The following GP5 variants were observed in gnomAD, a reference collection of about 807,000 sequenced individuals.
The protein encoded by GP5 is platelet glycoprotein V.
For missense variants in GP5, 755 were observed against 737.1 expected (o/e 1.02, Z -0.28); for synonymous variants, 382 against 353.9 (o/e 1.08, Z -0.89).
Position 194,395,220 on chromosome 3 carries a change from G to C in GP5, c.*1380C>G, listed in dbSNP as rs1007854098. 2 of 152,164 alleles carry C rather than the reference G, an allele frequency of 1.3e-5. No individual in the cohort carries two copies. Among genetic ancestry groups the C allele is most frequent in the African/African-American group, 2.4e-5 (1 of 41,438 alleles). 9.4% of individuals were successfully genotyped at this position (152,164 alleles called of 1,614,324 possible). On this transcript the variant is annotated 3_prime_UTR_variant, in exon 2 of 2. Coordinates refer to ENST00000692618, the MANE Select transcript of GP5 (RefSeq NM_004488.2). The stretch of plus-strand genomic sequence containing the variant: ...ATGCAGTTAGTAAGTGGTAGAGCTG[G>C]GATTTGAACCCACAGTTGTCAACTC...
rs190002419 is a variant in GP5, at chr3:194,397,401, C to A, written c.882G>T (p.Glu294Asp). 4.4e-5 allele frequency: 71 copies of A among 1,612,484 alleles called. No homozygotes were observed. Among genetic ancestry groups the A allele is most frequent in the Non-Finnish European group, 5.8e-5 (68 of 1,179,946 alleles). The change falls in exon 2 of 2, where the codon GAG becomes GAT. Residue 294 changes from glutamate (E) to aspartate (D), a missense_variant. Glu to Asp is a conservative substitution (Grantham distance 45). Coordinates refer to ENST00000692618, the MANE Select transcript of GP5 (RefSeq NM_004488.2). The surrounding 1 kb of genome is among the most constrained non-coding windows in gnomAD (Gnocchi z 7.2). ...VLFGEMGGLQ[E>D]LWLNRTQLRT... is the part of the protein sequence containing the mutation. ...GCAGCTGGGTGCGGTTCAGCCACAG[C>A]TCCTGCAGGCCCCCCATCTCCCCGA...
intron 1 of GP5, 32 bp from the exon 2 acceptor site, chr3:194,398,316 A>C: frequency 6.5e-7 from 1 of 1,540,148 alleles, no homozygotes; most frequent in Non-Finnish European, 8.8e-7. Flanking sequence ...TGTGGTCAAC[A>C]CACAGGAGCG....
At position 194,398,265 on chromosome 3, in the gene GP5, TA is replaced by T; in HGVS notation, c.17del (p.Leu6HisfsTer41). 2 of 1,605,938 alleles carry T rather than the reference TA, an allele frequency of 1.2e-6. No individual in the cohort carries two copies. Among genetic ancestry groups the T allele is most frequent in the Non-Finnish European group, 1.7e-6 (2 of 1,175,832 alleles). On this transcript the variant is annotated frameshift_variant, in exon 2 of 2. Transcript: ENST00000692618. LOFTEE classifies it low-confidence loss of function (END_TRUNC). Reference sequence around the variant, plus strand: ...GCAGAAGCCCGAGCACCGCGCACAGTAGAGTCCCCCTCAGCATGTCTGAAAA... The same window carrying T: ...GCAGAAGCCCGAGCACCGCGCACAGTGAGTCCCCCTCAGCATGTCTGAAAA... MLRGT[L>X]LCAVLGLLRA...
At position 194,396,866 on chromosome 3, in the gene GP5, G is replaced by A. The variant is rs767071239; in HGVS notation, c.1417C>T (p.Pro473Ser). 6.5e-7 allele frequency: 1 copy of A among 1,544,072 alleles called. No individual in the cohort carries two copies. Among genetic ancestry groups the A allele is most frequent in the East Asian group, 2.3e-5 (1 of 43,046 alleles). Residue 473 changes from proline to serine, a missense_variant, in exon 2 of 2, where the codon CCG becomes TCG. By Grantham distance (74) the Pro-to-Ser change is moderately conservative (BLOSUM62 -1). Coordinates refer to ENST00000692618, the MANE Select transcript of GP5 (RefSeq NM_004488.2). ...CGGGGAGGCGGGCCCCGGGGGCCCG[G>A]GCACTCCGCGTCACCCCCCGGCAGG... is the stretch of plus-strand genomic sequence containing the variant. ...WALPGGDAEC[P>S]GPRGPPPRPA...
rs934814364 is a variant in GP5, at chr3:194,397,365, G to A, written c.918C>T (p.Pro306=). The change falls in exon 2 of 2, where the codon CCC becomes CCT. Residue 306 remains proline, a synonymous_variant. Coordinates refer to ENST00000692618, the MANE Select transcript of GP5 (RefSeq NM_004488.2). The surrounding 1 kb of genome is among the most constrained non-coding windows in gnomAD (Gnocchi z 7.2). ...WLNRTQLRTL[P]AAAFRNLSRL... ...GGCTCAGGTTGCGGAAGGCGGCGGC[G>A]GGCAGGGTGCGCAGCTGGGTGCGGT... The A allele has an allele frequency of 2.5e-6, 4 of 1,606,448 alleles. No homozygotes were observed. The highest frequency in any genetic ancestry group is 1.3e-5 in the African/African-American group (1 of 74,834).
At position 194,398,270 on chromosome 3, in the gene GP5, T is replaced by C. The variant is rs1427006859; in HGVS notation, c.13A>G (p.Thr5Ala). MLRG[T>A]LLCAVLGLLR... is the part of the protein sequence containing the mutation. The stretch of plus-strand genomic sequence containing the variant: ...AGCCCGAGCACCGCGCACAGTAGAG[T>C]CCCCCTCAGCATGTCTGAAAAAGCA... Residue 5 changes from threonine to alanine, a missense_variant, in exon 2 of 2, where the codon ACT becomes GCT. Thr to Ala is a moderately conservative substitution (Grantham distance 58). Coordinates refer to ENST00000692618, the MANE Select transcript of GP5 (RefSeq NM_004488.2). 1 of 1,602,146 alleles carries C rather than the reference T, an allele frequency of 6.2e-7. No individual in the cohort carries two copies. The highest frequency in any genetic ancestry group is 1.1e-5 in the South Asian group (1 of 90,076).
chr3:194,398,196 G>A lies in GP5; in HGVS notation c.87C>T (p.Phe29=), dbSNP rs564091697. Residue 29 remains phenylalanine, a synonymous_variant, in exon 2 of 2, where the codon TTC becomes TTT. Transcript: ENST00000692618. ...FPCPPACKCV[F]RDAAQCSGGD... ...CCCCCGAGCACTGCGCGGCGTCCCG[G>A]AAGACACACTTGCAAGCTGGCGGAC... The A allele has an allele frequency of 1.4e-5, 23 of 1,612,762 alleles. No homozygotes were observed. In the African/African-American group the frequency reaches 2.9e-4, roughly 21 times the overall value.
rs765186322 is a variant in GP5 at position 194,398,187 on chromosome 3, G to C, written c.96C>G (p.Ala32=). The C allele has an allele frequency of 5.6e-6, 9 of 1,612,750 alleles. No homozygotes were observed. Among genetic ancestry groups the C allele is most frequent in the Non-Finnish European group, 7.6e-6 (9 of 1,179,730 alleles). Residue 32 remains alanine (A), a synonymous_variant, in exon 2 of 2, where the codon GCC becomes GCG. Transcript: ENST00000692618. The part of the protein sequence containing the change: ...PPACKCVFRD[A]AQCSGGDVAR... Reference sequence around the variant, plus strand: ...CCACGTCGCCCCCCGAGCACTGCGCGGCGTCCCGGAAGACACACTTGCAAG... The same window carrying C: ...CCACGTCGCCCCCCGAGCACTGCGCCGCGTCCCGGAAGACACACTTGCAAG...
In GP5 at chr3:194,397,414, C is replaced by G; in HGVS notation, c.869G>C (p.Gly290Ala). Residue 290 changes from glycine (G) to alanine (A), a missense_variant, in exon 2 of 2, where the codon GGG (glycine) becomes GCG (alanine). Physicochemically the swap from Gly to Ala is moderately conservative, Grantham distance 60. Transcript: ENST00000692618. The surrounding 1 kb of genome is among the most constrained non-coding windows in gnomAD (Gnocchi z 7.2). ...GTTCAGCCACAGCTCCTGCAGGCCCCCCATCTCCCCGAAGAGCACCCCCGG... is the reference window on the plus strand; with the variant it reads ...GTTCAGCCACAGCTCCTGCAGGCCCGCCATCTCCCCGAAGAGCACCCCCGG... ...ELPGVLFGEM[G>A]GLQELWLNRT... 1.2e-6 allele frequency: 2 copies of G among 1,612,516 alleles called. No individual in the cohort carries two copies. The highest frequency in any genetic ancestry group is 1.7e-6 in the Non-Finnish European group (2 of 1,179,720).
In GP5 at chr3:194,396,773, A is replaced by G. The variant is rs762239469; in HGVS notation, c.1510T>C (p.Trp504Arg). Residue 504 changes from tryptophan (W) to arginine (R), a missense_variant, in exon 2 of 2, where the codon TGG becomes CGG. Trp to Arg is a moderately radical substitution (Grantham distance 101). Transcript: ENST00000692618. ...GTGGTCACCGGCTGGGCCCACACCC[A>G]GGGTTCTGAGCTGTTGGGAGCCAAG... is the stretch of plus-strand genomic sequence containing the variant. ...PALAPNSSEP[W>R]VWAQPVTTGK... 9.3e-6 allele frequency: 15 copies of G among 1,613,788 alleles called. No homozygotes were observed. The highest frequency in any genetic ancestry group is 1.3e-5 in the African/African-American group (1 of 74,900).
chr3:194,396,655 A>G lies in GP5; in HGVS notation c.1628T>C (p.Met543Thr), dbSNP rs1483636276. ...TCGAAAGAGTTGGCCAATTTTAATC[A>G]TAGCAAACACGATGATCACGGTGAT... ...AMITVIIVFA[M>T]IKIGQLFRKL... Residue 543 changes from methionine to threonine, a missense_variant, in exon 2 of 2, where the codon ATG becomes ACG. By Grantham distance (81) the Met-to-Thr change is moderately conservative. Coordinates refer to ENST00000692618, the MANE Select transcript of GP5 (RefSeq NM_004488.2). 1.9e-6 allele frequency: 3 copies of G among 1,613,034 alleles called. No homozygotes were observed. Among genetic ancestry groups the G allele is most frequent in the African/African-American group, 1.3e-5 (1 of 74,910 alleles).
chr3:194,398,306 T>C (rs1282507956), intron 1 of GP5, 22 bp from the exon 2 acceptor site: 2 of 1,561,704 alleles, frequency 1.3e-6, no homozygotes, highest in East Asian at 4.7e-5. Context: ...ACCGTGGGAG[T>C]GTGGTCAACA....
At position 194,394,997 on chromosome 3, in the gene GP5, A is replaced by C. The variant is rs1714418561; in HGVS notation, c.*1603T>G. The C allele has an allele frequency of 1.3e-5, 2 of 152,284 alleles. No homozygotes were observed. The highest frequency in any genetic ancestry group is 4.8e-5 in the African/African-American group (2 of 41,478). The allele number at this position is 152,284 out of a possible 1,614,324, so 9.4% of individuals were successfully genotyped here. A position where few individuals can be genotyped will look rare whatever the true frequency, so the allele number is the denominator to read the frequency against. ...TTCTTTAGAAATCATGATGCCAATA[A>C]TAATTGCTCATCCTTTAGTAATAAT... On this transcript the variant is annotated 3_prime_UTR_variant, in exon 2 of 2. Transcript: ENST00000692618.
At chr3:194,398,912 G>A (rs898668603) in intron 1 of GP5, among the ~76,000 whole-genome samples, 2 of 152,098 alleles carry the variant, frequency 1.3e-5, no homozygotes, top group Non-Finnish European at 2.9e-5. Flanking sequence ...ATAACCTTAG[G>A]AGGTAAGTAT....
Position 194,397,101 on chromosome 3 carries a change from G to T in GP5, c.1182C>A (p.Leu394=), listed in dbSNP as rs1345707210. ...GCAGGGTCTCCAGCTGGTTGTGGTC[G>T]AGCTGGACGCTCTCCAGGCTGCTGA... ...RNLSSLESVQ[L]DHNQLETLPG... is the part of the protein sequence containing the mutation. Residue 394 remains leucine, a synonymous_variant, in exon 2 of 2, where the codon CTC becomes CTA. Transcript: ENST00000692618. This position sits in a 1 kb window ranked among gnomAD's most constrained non-coding sequence, Gnocchi z 7.2. The T allele has an allele frequency of 1.9e-6, 3 of 1,593,216 alleles. No homozygotes were observed. Among genetic ancestry groups the T allele is most frequent in the Non-Finnish European group, 8.5e-7 (1 of 1,177,442 alleles).
Position 194,398,130 on chromosome 3 carries a change from G to T in GP5, c.153C>A (p.Asn51Lys). 1 of 1,613,414 alleles carries T rather than the reference G, an allele frequency of 6.2e-7. No individual in the cohort carries two copies. Among genetic ancestry groups the T allele is most frequent in the Non-Finnish European group, 8.5e-7 (1 of 1,179,886 alleles). Residue 51 changes from asparagine (N) to lysine (K), a missense_variant, in exon 2 of 2, where the codon AAC becomes AAA. By Grantham distance (94) the Asn-to-Lys change is moderately conservative. Coordinates refer to ENST00000692618, the MANE Select transcript of GP5 (RefSeq NM_004488.2). ...TTCCGAAGAGCAGGATGTGCGTGAGGTTGGTGGGCAGGCCTAGCGCGGAGA... is the reference window on the plus strand; with the variant it reads ...TTCCGAAGAGCAGGATGTGCGTGAGTTTGGTGGGCAGGCCTAGCGCGGAGA... Reference protein sequence around the residue: ...ARISALGLPTNLTHILLFGMG... With the variant: ...ARISALGLPTKLTHILLFGMG...
chr3:194,398,228 A>C lies in GP5; in HGVS notation c.55T>G (p.Phe19Val). ...CACTTGCAAGCTGGCGGACAGGGGA[A>C]GGGCTGGGCGCGCAGAAGCCCGAGC... ...AVLGLLRAQP[F>V]PCPPACKCVF... The change falls in exon 2 of 2, where the codon TTC (phenylalanine) becomes GTC (valine). Residue 19 changes from phenylalanine (F) to valine (V), a missense_variant. Coordinates refer to ENST00000692618, the MANE Select transcript of GP5 (RefSeq NM_004488.2). 6.2e-7 allele frequency: 1 copy of C among 1,611,814 alleles called. No homozygotes were observed. Among genetic ancestry groups the C allele is most frequent in the Non-Finnish European group, 8.5e-7 (1 of 1,179,144 alleles).
In GP5 at chr3:194,398,031, G is replaced by A. The variant is rs968979971; in HGVS notation, c.252C>T (p.Ser84=). 1 of 1,614,144 alleles carries A rather than the reference G, an allele frequency of 6.2e-7. No individual in the cohort carries two copies. The highest frequency in any genetic ancestry group is 1.7e-5 in the Admixed American group (1 of 60,032). Residue 84 remains serine, a synonymous_variant, in exon 2 of 2, where the codon AGC becomes AGT. Coordinates refer to ENST00000692618, the MANE Select transcript of GP5 (RefSeq NM_004488.2). ...TGCCGGGGGCAACGGCGGAAATGTG[G>A]CTGTCGGAGATCATGAGGCGCTGCA... is the stretch of plus-strand genomic sequence containing the variant. ...TVLQRLMISD[S]HISAVAPGTF...
At position 194,397,248 on chromosome 3, in the gene GP5, G is replaced by A; in HGVS notation, c.1035C>T (p.Ala345=). ...GGGCGGTCAGGCCGTTGGAGTGCAG[G>A]GCGAGCACCTGGAGCTCGCCAAGGC... is the stretch of plus-strand genomic sequence containing the variant. The part of the protein sequence containing the change: ...FQGLGELQVL[A]LHSNGLTALP... The change falls in exon 2 of 2, where the codon GCC becomes GCT. Residue 345 remains alanine (A), a synonymous_variant. Coordinates refer to ENST00000692618, the MANE Select transcript of GP5 (RefSeq NM_004488.2). This position sits in a 1 kb window ranked among gnomAD's most constrained non-coding sequence, Gnocchi z 7.2. 6.3e-7 allele frequency: 1 copy of A among 1,577,674 alleles called. No homozygotes were observed. Among genetic ancestry groups the A allele is most frequent in the South Asian group, 1.1e-5 (1 of 88,686 alleles).
Sources: allele counts gnomAD v4.1 joint callset (sites outside exome capture counted in the v4.1 genomes callset), GRCh38; gene constraint gnomAD v4.1.1; non-coding constraint Gnocchi (gnomAD v3.1); transcripts MANE v1.5; gene names NCBI Gene and HGNC (gene_info 2026-07-23, HGNC 2026-07-21).